The following STXBP5L variants were observed in gnomAD, a reference collection of about 807,000 sequenced individuals.
STXBP5L encodes syntaxin-binding protein 5-like.
STXBP5L carries 65 observed loss-of-function variants against 144.5 expected under a neutral mutation model. That is an observed-to-expected ratio of 0.45 (90% CI 0.37 to 0.55). The LOEUF (loss-of-function observed/expected upper bound fraction) is 0.55, where lower values mean the gene tolerates loss of function less well. Ranked by LOEUF, STXBP5L falls within the 20% of genes least tolerant of loss-of-function variation. The pLI is 0.00. For missense variants in STXBP5L, 1,298 were observed against 1,405.5 expected (o/e 0.92, Z 1.22); for synonymous variants, 505 against 469.6 (o/e 1.08, Z -0.97).
At chr3:121,215,491 G>A (rs1214235369) in intron 10 of STXBP5L, among the ~76,000 whole-genome samples, 1 of 152,134 alleles carries the variant, frequency 6.6e-6, no homozygotes, top group African/African-American at 2.4e-5. Flanking sequence ...TGAAATTCTG[G>A]TTTGAAAATT....
chr3:121,223,339 C>T (rs1035845088), intron 11 of STXBP5L, among the ~76,000 whole-genome samples, 182 bp downstream of exon 11: 1 of 152,148 alleles, frequency 6.6e-6, no homozygotes, highest in Non-Finnish European at 1.5e-5. Flanking sequence ...AGATGTAGTA[C>T]AGCAATGCTG....
chr3:121,181,911 A>C (rs1490573222), intron 9 of STXBP5L, among the ~76,000 whole-genome samples: 1 of 152,022 alleles, frequency 6.6e-6, no homozygotes, highest in Non-Finnish European at 1.5e-5. Flanking sequence ...AGCTATTCTT[A>C]TATCAGACAA....
At chr3:121,359,395 A>G (rs2045632612) in intron 20 of STXBP5L, among the ~76,000 whole-genome samples, 1 of 151,904 alleles carries the variant, frequency 6.6e-6, no homozygotes, top group Non-Finnish European at 1.5e-5. Context: ...ATTTTCTCCC[A>G]TTCTGTGGTT....
At chr3:121,022,142 T>TTA (rs1330750950) in intron 3 of STXBP5L, among the ~76,000 whole-genome samples, 1 of 152,060 alleles carries the variant, frequency 6.6e-6, no homozygotes, top group Non-Finnish European at 1.5e-5. Flanking sequence ...ATGAACACCT[T>TTA]TATGTGCATA....
chr3:121,360,334 CT>C (rs1326846626), intron 20 of STXBP5L, among the ~76,000 whole-genome samples: 2 of 151,590 alleles, frequency 1.3e-5, no homozygotes, highest in South Asian at 2.1e-4. Context: ...ATCAATGGAT[CT>C]TTTTTTAATC....
At chr3:120,962,228 C>T (rs957710211) in intron 3 of STXBP5L, among the ~76,000 whole-genome samples, 3 of 152,112 alleles carry the variant, frequency 2.0e-5, no homozygotes, top group Admixed American at 6.5e-5. Flanking sequence ...CTATAGGTTG[C>T]CTGTTCATTC....
intron 3 of STXBP5L, among the ~76,000 whole-genome samples, chr3:120,977,299 A>T (rs1309836557): frequency 1.3e-5 from 2 of 152,148 alleles, no homozygotes; most frequent in Non-Finnish European, 2.9e-5. Context: ...CCATTATGTA[A>T]TGGCCTTCTT....
chr3:121,033,940 T>C (rs1016116946), intron 3 of STXBP5L, among the ~76,000 whole-genome samples: 2 of 152,098 alleles, frequency 1.3e-5, no homozygotes, highest in African/African-American at 4.8e-5. Context: ...TTATTAAAAA[T>C]AGTATTTTCT....
chr3:121,077,949 C>A (rs932170728), intron 5 of STXBP5L, among the ~76,000 whole-genome samples: 4 of 151,350 alleles, frequency 2.6e-5, no homozygotes, highest in African/African-American at 9.7e-5. Flanking sequence ...CATAAAGATT[C>A]TCCAAGTCCC....
At chr3:120,941,936 C>T (rs1427264664) in intron 2 of STXBP5L, among the ~76,000 whole-genome samples, 2 of 151,766 alleles carry the variant, frequency 1.3e-5, no homozygotes, top group African/African-American at 2.4e-5. Flanking sequence ...ATTCAGTACA[C>T]ATATGCTCCT....
intron 2 of STXBP5L, among the ~76,000 whole-genome samples, chr3:120,938,731 C>T (rs1473814520): frequency 6.6e-6 from 1 of 152,150 alleles, no homozygotes; most frequent in Non-Finnish European, 1.5e-5. Context: ...ATCAGTCACA[C>T]CATGTGTATT....
rs878964348 is a variant in STXBP5L, at chr3:121,408,875, C to T, written c.2948+1272C>T. 5.3e-5 allele frequency among the ~76,000 whole-genome samples: 8 copies of T among 151,536 alleles called. No individual in the cohort carries two copies. The South Asian group carries it at 1.7e-3, about 32-fold the overall frequency. On this transcript the variant is annotated intron_variant, in intron 23 of 26. Transcript: ENST00000471454. ...AACAGTAATGGAAGTTGTTAAATCT[C>T]GAGGTTAGAAGAGAGTTTAAAGGTT...
Position 120,964,374 on chromosome 3 carries a change from G to A in STXBP5L, c.287+9337G>A, listed in dbSNP as rs145081482. Among the ~76,000 whole-genome samples, 297 of 152,064 alleles carry A rather than the reference G, an allele frequency of 2.0e-3. 2 individuals carry two copies. Among genetic ancestry groups the A allele is most frequent in the Middle Eastern group, 6.8e-3 (2 of 294 alleles). On this transcript the variant is annotated intron_variant, in intron 3 of 26. Transcript: ENST00000471454. Reference sequence around the variant, plus strand: ...ATATTAAGTGTGATGTTAAGGTGTCGATTTTAGATCTTTCCTTCCTTCTCT... The same window carrying A: ...ATATTAAGTGTGATGTTAAGGTGTCAATTTTAGATCTTTCCTTCCTTCTCT...
chr3:121,408,581 A>C (rs1243526289), intron 23 of STXBP5L, among the ~76,000 whole-genome samples: 1 of 152,004 alleles, frequency 6.6e-6, no homozygotes, highest in Non-Finnish European at 1.5e-5. Context: ...ATGTATTATA[A>C]ATGAAGAGTT....
At chr3:121,004,945 C>T (rs562642125) in intron 3 of STXBP5L, among the ~76,000 whole-genome samples, 73 of 152,200 alleles carry the variant, frequency 4.8e-4, no homozygotes, top group Non-Finnish European at 1.8e-4. Flanking sequence ...CTCCTGTATT[C>T]GGTTTGCCAG....
rs185633473 is a variant in STXBP5L, at chr3:121,325,424, G to A, written c.2176+6884G>A. On this transcript the variant is annotated intron_variant, in intron 20 of 26. Coordinates refer to ENST00000471454, the MANE Select transcript of STXBP5L (RefSeq NM_001308330.2). ...TGAGTAGAGGTGGAATTCCAAGTTA[G>A]TTATATTTGTTTTTTCCCTAGTGTT... 2.2e-3 allele frequency among the ~76,000 whole-genome samples: 337 copies of A among 152,116 alleles called. 15 individuals carry two copies. The highest frequency in any genetic ancestry group is 0.022 in the Admixed American group (333 of 15,276).
At chr3:121,320,032 A>T (rs2043918035) in intron 20 of STXBP5L, among the ~76,000 whole-genome samples, 1 of 152,192 alleles carries the variant, frequency 6.6e-6, no homozygotes, top group African/African-American at 2.4e-5. Context: ...TTTTCATATA[A>T]CTTTTATAAA....
chr3:121,037,960 T>C (rs1468179012), intron 3 of STXBP5L, among the ~76,000 whole-genome samples: 1 of 151,998 alleles, frequency 6.6e-6, no homozygotes, highest in Non-Finnish European at 1.5e-5. Flanking sequence ...ATAATATTTG[T>C]TTGTTGTCTT....
intron 19 of STXBP5L, among the ~76,000 whole-genome samples, chr3:121,307,142 C>T (rs2043363921): frequency 6.6e-6 from 1 of 152,062 alleles, no homozygotes; most frequent in Non-Finnish European, 1.5e-5. Context: ...AGCCGAGTCA[C>T]TGAATAAATA....
Sources: gnomAD v4.1 joint callset for allele counts (sites outside exome capture counted in the v4.1 genomes callset) on GRCh38, gnomAD v4.1.1 for gene constraint, MANE v1.5 for transcripts, NCBI Gene and HGNC (gene_info 2026-07-23, HGNC 2026-07-21) for gene names.